Variants in SENP7 observed in about 807,000 individuals in gnomAD.
The protein encoded by SENP7 is sentrin-specific protease 7.
In SENP7, 64 loss-of-function variants were observed where a neutral mutation model predicts 141.2. The observed-to-expected ratio is 0.45, with a 90% CI of 0.37 to 0.56. The LOEUF is 0.56. Among genes scored for constraint, SENP7 ranks in the 20% least tolerant of loss-of-function variants. SENP7 has a pLI of 0.00. For missense variants in SENP7, 1,025 were observed against 1,212.2 expected, an observed-to-expected ratio of 0.85 and a Z score of 2.29; for synonymous variants, 382 against 426.4, an observed-to-expected ratio of 0.90 and a Z score of 1.28.
chr3:101,382,679 T>A (rs1049314772), intron 6 of SENP7, among the ~76,000 whole-genome samples: 3 of 152,168 alleles, frequency 2.0e-5, no homozygotes, highest in Admixed American at 2.0e-4. Flanking sequence ...AATCAGAACT[T>A]CAATTAGGAA....
chr3:101,492,139 T>C lies in SENP7; in HGVS notation c.186+1734A>G, dbSNP rs1469141745. On this transcript the variant is annotated intron_variant, in intron 3 of 23. Transcript: ENST00000394095. The stretch of plus-strand genomic sequence containing the variant: ...AGAGCCAAGTGCGGGGGCTCACGCC[T>C]GTAAACCCAGCGCTTCAGGAGGCTG... 5.3e-5 allele frequency among the ~76,000 whole-genome samples: 8 copies of C among 151,482 alleles called. No homozygotes were observed. The East Asian group carries it at 1.6e-3, about 29-fold the overall frequency.
At chr3:101,475,171 A>T (rs1337941983) in intron 3 of SENP7, among the ~76,000 whole-genome samples, 6 of 152,242 alleles carry the variant, frequency 3.9e-5, no homozygotes, top group Non-Finnish European at 8.8e-5. Context: ...TAGAAGCAGA[A>T]ATGCCATTTG....
intron 5 of SENP7, among the ~76,000 whole-genome samples, chr3:101,412,864 T>A (rs1021223816): frequency 2.6e-5 from 4 of 152,128 alleles, no homozygotes; most frequent in Non-Finnish European, 4.4e-5. Flanking sequence ...TACATATTTT[T>A]AAAAAATAAA....
In SENP7 at chr3:101,364,939, A is replaced by G; in HGVS notation, c.1371T>C (p.Ile457=). Residue 457 remains isoleucine (I), a synonymous_variant, in exon 10 of 24, where the codon ATT becomes ATC. Coordinates refer to ENST00000394095, the MANE Select transcript of SENP7 (RefSeq NM_020654.5). ...EGPVEHKSSE[I]LKLQSKQDRE... ...GGTCTTGCTTAGATTGTAACTTAAG[A>G]ATTTCTGAACTTTTATGTTCAACAG... 1 of 1,591,804 alleles carries G rather than the reference A, an allele frequency of 6.3e-7. No homozygotes were observed. Among genetic ancestry groups the G allele is most frequent in the Non-Finnish European group, 8.5e-7 (1 of 1,169,978 alleles).
rs2059782110 is a variant in SENP7 at position 101,357,712 on chromosome 3, T to C, written c.1623+4003A>G. The C allele has an allele frequency of 4.3e-6, 3 of 692,678 alleles. No homozygotes were observed. In the East Asian group the frequency reaches 7.7e-5, roughly 18 times the overall value. The allele number at this position is 692,678 out of a possible 1,614,324, so 42.9% of individuals were successfully genotyped here. A position where few individuals can be genotyped will look rare whatever the true frequency, so the allele number is the denominator to read the frequency against. ...GTGATAAATATGTGAAAGTCTCTCATAAATTTTCAAAGTCAAACAGACATA... is the reference window on the plus strand; with the variant it reads ...GTGATAAATATGTGAAAGTCTCTCACAAATTTTCAAAGTCAAACAGACATA... On this transcript the variant is annotated intron_variant, in intron 11 of 23. Transcript: ENST00000394095.
chr3:101,507,630 G>A (rs1303461056), intron 1 of SENP7, among the ~76,000 whole-genome samples: 1 of 151,190 alleles, frequency 6.6e-6, no homozygotes, highest in Non-Finnish European at 1.5e-5. Context: ...CAGAAGTAGA[G>A]ATGAACAATC....
chr3:101,463,364 A>AATATATATATATATATAT (rs71625265), intron 3 of SENP7, among the ~76,000 whole-genome samples: 10 of 89,190 alleles, frequency 1.1e-4, no homozygotes, highest in East Asian at 9.6e-4. Context: ...TAAATAAATA[A>AATATATATATATATATAT]ATATATATAT....
At chr3:101,407,318 A>G (rs1033117806) in intron 5 of SENP7, among the ~76,000 whole-genome samples, 3 of 152,196 alleles carry the variant, frequency 2.0e-5, no homozygotes, top group Admixed American at 6.5e-5. Context: ...AATGAGATAG[A>G]CAGCAACACA....
At chr3:101,411,179 T>C (rs2061448160) in intron 5 of SENP7, among the ~76,000 whole-genome samples, 1 of 152,176 alleles carries the variant, frequency 6.6e-6, no homozygotes. Context: ...AATGAGATAA[T>C]AGATGGAAAG....
intron 4 of SENP7, among the ~76,000 whole-genome samples, chr3:101,442,039 G>A (rs2062695828): frequency 6.6e-6 from 1 of 151,942 alleles, no homozygotes; most frequent in South Asian, 2.1e-4. Context: ...ACAGGAAAAA[G>A]TCTCTACCAA....
intron 3 of SENP7, among the ~76,000 whole-genome samples, chr3:101,487,280 CAT>C (rs1227546757): frequency 6.6e-6 from 1 of 151,988 alleles, no homozygotes; most frequent in Admixed American, 6.6e-5. Flanking sequence ...TTACCATTTA[CAT>C]ATATATATGT....
intron 20 of SENP7, 50 bp downstream of exon 20, chr3:101,330,284 A>G (rs1176753190): frequency 7.5e-7 from 1 of 1,328,848 alleles, no homozygotes; most frequent in Non-Finnish European, 1.1e-6. Flanking sequence ...AGATAACATT[A>G]TTATATTCAT....
chr3:101,414,607 G>A (rs2061554997), intron 5 of SENP7: 5 of 1,601,054 alleles, frequency 3.1e-6, no homozygotes, highest in Non-Finnish European at 3.4e-6. Context: ...GAAGATGAAG[G>A]AAGCTCTCTT....
At chr3:101,463,371 A>ATTTTTTATTTTATATGTGTGTG (rs2063624344) in intron 3 of SENP7, among the ~76,000 whole-genome samples, 1 of 84,598 alleles carries the variant, frequency 1.2e-5, no homozygotes, top group Non-Finnish European at 2.2e-5. Flanking sequence ...ATAAATATAT[A>ATTTTTTATTTTATATGTGTGTG]TATATATATA....
At chr3:101,462,601 C>T (rs1229314035) in intron 3 of SENP7, among the ~76,000 whole-genome samples, 1 of 151,790 alleles carries the variant, frequency 6.6e-6, no homozygotes, top group Non-Finnish European at 1.5e-5. Context: ...GGTGCAGTGG[C>T]TCACATCTGT....
At chr3:101,340,293 G>A (rs1451735270) in intron 15 of SENP7, 82 bp from the exon 16 acceptor site, 4 of 1,446,030 alleles carry the variant, frequency 2.8e-6, no homozygotes, top group Non-Finnish European at 2.8e-6. Context: ...AACAATAACT[G>A]GGCAGTGGTA....
intron 1 of SENP7, among the ~76,000 whole-genome samples, chr3:101,504,634 A>G (rs970558044): frequency 6.6e-6 from 1 of 152,230 alleles, no homozygotes; most frequent in African/African-American, 2.4e-5. Flanking sequence ...AACAAAACAC[A>G]TATCTACATA....
At chr3:101,362,385 C>T (rs1243432549) in intron 10 of SENP7, among the ~76,000 whole-genome samples, 8 of 152,150 alleles carry the variant, frequency 5.3e-5, no homozygotes, top group Admixed American at 5.2e-4. Flanking sequence ...TTCAAATGCA[C>T]GTTTCTCTCT....
intron 3 of SENP7, among the ~76,000 whole-genome samples, chr3:101,478,224 G>A (rs889492259): frequency 1.3e-5 from 2 of 152,048 alleles, no homozygotes; most frequent in Non-Finnish European, 2.9e-5. Context: ...CAAATAACAA[G>A]ACTGAGTGAG....
Sources: allele counts gnomAD v4.1 joint callset (sites outside exome capture counted in the v4.1 genomes callset), GRCh38; gene constraint gnomAD v4.1.1; transcripts MANE v1.5; gene names NCBI Gene and HGNC (gene_info 2026-07-23, HGNC 2026-07-21).